The following CNTN5 variants were observed in gnomAD, a reference collection of about 807,000 sequenced individuals.
CNTN5 encodes the protein contactin-5.
In CNTN5, 77 loss-of-function variants were observed where a neutral mutation model predicts 129.1. The observed-to-expected ratio is 0.60, with a 90% CI of 0.50 to 0.72. The LOEUF is 0.72. CNTN5 is among the 30% of genes least tolerant of loss of function. The pLI, the probability that CNTN5 is intolerant of heterozygous loss-of-function variation, is 0.00. For missense variants in CNTN5, 1,478 were observed against 1,328.8 expected (o/e 1.11, Z -1.75); for synonymous variants, 509 against 465.6 (o/e 1.09, Z -1.20).
intron 9 of CNTN5, among the ~76,000 whole-genome samples, chr11:100,007,759 G>C (rs1029485187): frequency 2.4e-4 from 36 of 151,970 alleles, no homozygotes; most frequent in African/African-American, 8.4e-4. Flanking sequence ...GTTTTCACTG[G>C]GGTAGCAATT....
intron 3 of CNTN5, among the ~76,000 whole-genome samples, chr11:99,734,671 G>C (rs886335699): frequency 6.6e-6 from 1 of 151,712 alleles, no homozygotes; most frequent in Non-Finnish European, 1.5e-5. Flanking sequence ...GCCAAAGAGG[G>C]TGTGTCCCTA....
intron 2 of CNTN5, among the ~76,000 whole-genome samples, chr11:99,541,753 A>G (rs1422088727): frequency 1.3e-5 from 2 of 152,126 alleles, no homozygotes; most frequent in African/African-American, 4.8e-5. Context: ...GTTTGAGGCT[A>G]GGCTGGGCGA....
intron 2 of CNTN5, among the ~76,000 whole-genome samples, chr11:99,475,524 T>C (rs1317885511): frequency 6.6e-6 from 1 of 152,134 alleles, no homozygotes; most frequent in Non-Finnish European, 1.5e-5. Flanking sequence ...TTATATAGCT[T>C]ACACTGTATT....
intron 1 of CNTN5, among the ~76,000 whole-genome samples, chr11:99,218,998 A>G (rs1170332942): frequency 6.6e-6 from 1 of 152,106 alleles, no homozygotes; most frequent in Non-Finnish European, 1.5e-5. Flanking sequence ...GATACTGGTA[A>G]GCCCCTGGAC....
At chr11:99,494,438 T>C (rs909132942) in intron 2 of CNTN5, among the ~76,000 whole-genome samples, 6 of 152,194 alleles carry the variant, frequency 3.9e-5, no homozygotes, top group African/African-American at 1.4e-4. Flanking sequence ...TTATCCTTAT[T>C]GGGATAAATA....
At chr11:100,151,605 A>G (rs1414428106) in intron 13 of CNTN5, among the ~76,000 whole-genome samples, 1 of 152,186 alleles carries the variant, frequency 6.6e-6, no homozygotes, top group Non-Finnish European at 1.5e-5. Context: ...TAATTTGAAC[A>G]GATATTACCA....
intron 17 of CNTN5, among the ~76,000 whole-genome samples, chr11:100,258,068 A>C (rs1296231366): frequency 6.6e-6 from 1 of 152,218 alleles, no homozygotes; most frequent in Non-Finnish European, 1.5e-5. Flanking sequence ...ACTAACTAAA[A>C]TAACCAGTTT....
intron 1 of CNTN5, among the ~76,000 whole-genome samples, chr11:99,066,892 G>T (rs547552857): frequency 1.3e-5 from 2 of 152,042 alleles, no homozygotes; most frequent in Non-Finnish European, 1.5e-5. Context: ...GCGATTCAAG[G>T]GCTTCTCACT....
chr11:100,167,674 T>A (rs1419874024), intron 13 of CNTN5, among the ~76,000 whole-genome samples: 2 of 151,894 alleles, frequency 1.3e-5, no homozygotes, highest in African/African-American at 2.4e-5. Flanking sequence ...AGATTAGGAC[T>A]GAGGTAGTCA....
At chr11:99,255,816 G>T (rs200207551) in intron 1 of CNTN5, among the ~76,000 whole-genome samples, 1 of 147,710 alleles carries the variant, frequency 6.8e-6, no homozygotes, top group African/African-American at 2.5e-5. Context: ...ACACACACAC[G>T]CACACGCACA....
intron 13 of CNTN5, among the ~76,000 whole-genome samples, chr11:100,140,699 A>C (rs996247252): frequency 1.3e-5 from 2 of 152,200 alleles, no homozygotes; most frequent in African/African-American, 4.8e-5. Context: ...TAGAATAATT[A>C]TCTGGGATAT....
intron 2 of CNTN5, among the ~76,000 whole-genome samples, chr11:99,427,638 C>T (rs1251406055): frequency 6.6e-6 from 1 of 151,604 alleles, no homozygotes; most frequent in Non-Finnish European, 1.5e-5. Flanking sequence ...TGGTGGCACA[C>T]ACCTGTAGTC....
Position 99,453,358 on chromosome 11 carries a change from T to A in CNTN5, c.-70-102787T>A, listed in dbSNP as rs1208358436. On this transcript the variant is annotated intron_variant, in intron 2 of 24. Transcript: ENST00000524871. ...AAGTTGAGAACAGTGAATGAGAAAA[T>A]ACCTGAAGCATTTTCTTTAATTCAT... Among the ~76,000 whole-genome samples, 2 of 152,092 alleles carry A rather than the reference T, an allele frequency of 1.3e-5. 1 individual carries two copies. Among genetic ancestry groups the A allele is most frequent in the South Asian group, 4.1e-4 (2 of 4,836 alleles).
chr11:99,694,195 A>C (rs994845815), intron 3 of CNTN5, among the ~76,000 whole-genome samples: 1 of 152,110 alleles, frequency 6.6e-6, no homozygotes, highest in African/African-American at 2.4e-5. Context: ...CATGAAGCCA[A>C]AGACTTAGAG....
At chr11:99,965,642 T>C (rs1402695043) in intron 8 of CNTN5, among the ~76,000 whole-genome samples, 4 of 152,128 alleles carry the variant, frequency 2.6e-5, no homozygotes, top group Admixed American at 6.5e-5. Context: ...TTTTGTTGAT[T>C]TGGGGTGGAG....
At chr11:99,881,013 G>C (rs1339986562) in intron 6 of CNTN5, among the ~76,000 whole-genome samples, 1 of 152,162 alleles carries the variant, frequency 6.6e-6, no homozygotes, top group Non-Finnish European at 1.5e-5. Flanking sequence ...TATGGAGATA[G>C]TAATTGACTT....
At chr11:99,109,699 G>A (rs1448254949) in intron 1 of CNTN5, among the ~76,000 whole-genome samples, 1 of 152,066 alleles carries the variant, frequency 6.6e-6, no homozygotes, top group Non-Finnish European at 1.5e-5. Context: ...AGCCGCTGCT[G>A]GATATTGCTT....
chr11:99,789,130 G>A (rs533220755), intron 3 of CNTN5, among the ~76,000 whole-genome samples: 1 of 151,898 alleles, frequency 6.6e-6, no homozygotes, highest in South Asian at 2.1e-4. Flanking sequence ...ATCAGTAGTT[G>A]CATATCAAAC....
rs1233703807 is a variant in CNTN5, at chr11:99,287,732, C to CA, written c.-209-37612dup. 2.0e-5 allele frequency among the ~76,000 whole-genome samples: 3 copies of CA among 151,846 alleles called. No individual in the cohort carries two copies. In the East Asian group the frequency reaches 5.8e-4, roughly 29 times the overall value. On this transcript the variant is annotated intron_variant, in intron 1 of 24. Coordinates refer to ENST00000524871, the MANE Select transcript of CNTN5 (RefSeq NM_014361.4). Reference sequence around the variant, plus strand: ...AGGAGCCAATGAAAATGTAACTCTACAATAGTATATAAGGACATTAATACT... The same window carrying CA: ...AGGAGCCAATGAAAATGTAACTCTACAAATAGTATATAAGGACATTAATACT...
Sources: gnomAD v4.1 joint callset for allele counts (sites outside exome capture counted in the v4.1 genomes callset) on GRCh38, gnomAD v4.1.1 for gene constraint, MANE v1.5 for transcripts, NCBI Gene and HGNC (gene_info 2026-07-23, HGNC 2026-07-21) for gene names.